XKR5: variants seen among roughly 807,000 people sequenced by gnomAD.
The protein encoded by XKR5 is XK-related protein 5.
A neutral mutation model predicts 40.8 loss-of-function variants in XKR5; 46 were observed. That is an observed-to-expected ratio of 1.13 (90% CI 0.89 to 1.44). The LOEUF (loss-of-function observed/expected upper bound fraction) is 1.44. Ranked by LOEUF, XKR5 falls within the 40% of genes most tolerant of loss-of-function variation. The probability of loss-of-function intolerance (pLI) is 0.00; values close to 1 mark genes in which losing one functional copy is unlikely to be tolerated. For synonymous variants in XKR5, 466 were observed against 356.1 expected (o/e 1.31, Z -3.48); for missense variants, 1,169 against 844.7 (o/e 1.38, Z -4.76).
At position 6,811,875 on chromosome 8, in the gene XKR5, G is replaced by A. The variant is rs1040086783; in HGVS notation, c.1384C>T (p.Pro462Ser). 6.5e-7 allele frequency: 1 copy of A among 1,537,506 alleles called. No homozygotes were observed. The highest frequency in any genetic ancestry group is 8.7e-7 in the Non-Finnish European group (1 of 1,146,980). The change falls in exon 7 of 7, where the codon CCC becomes TCC. Residue 462 changes from proline (P) to serine (S), a missense_variant. By Grantham distance (74) the Pro-to-Ser change is moderately conservative. Coordinates refer to ENST00000618742, the MANE Select transcript of XKR5 (RefSeq NM_207411.5). ...GCAGAGCTGTTCTCTAAGGTTGAGG[G>A]GTCACGGGATGAGGATGGGAGCTCT... ...QQELPSSSRD[P>S]STLENSSAFE...
chr8:6,819,478 C>T (rs2117092451), intron 5 of XKR5, among the ~76,000 whole-genome samples: 1 of 152,342 alleles, frequency 6.6e-6, no homozygotes, highest in South Asian at 2.1e-4. Flanking sequence ...CACTCAGCCA[C>T]ATTGGATCAA....
intron 2 of XKR5, among the ~76,000 whole-genome samples, chr8:6,831,568 T>A (rs1804764226): frequency 6.6e-6 from 1 of 152,132 alleles, no homozygotes; most frequent in South Asian, 2.1e-4. Flanking sequence ...CCGGAGAAAG[T>A]CTTGGGAATA....
chr8:6,820,603 TG>T (rs1804185831), intron 5 of XKR5, among the ~76,000 whole-genome samples: 1 of 152,182 alleles, frequency 6.6e-6, no homozygotes, highest in Admixed American at 6.5e-5. Context: ...TTTGTTCACT[TG>T]GGGATCATGT....
At chr8:6,815,996 C>T (rs575210611) in intron 5 of XKR5, 78 bp from the exon 6 acceptor site, 85 of 1,064,998 alleles carry the variant, frequency 8.0e-5, no homozygotes, top group Middle Eastern at 2.2e-4. Context: ...GAGTCTGCAG[C>T]GGCTCCCCCT....
intron 5 of XKR5, among the ~76,000 whole-genome samples, chr8:6,821,516 C>T (rs1284137170): frequency 2.0e-5 from 3 of 152,000 alleles, no homozygotes; most frequent in African/African-American, 4.8e-5. Context: ...ATTCATAAAC[C>T]CCTAATAAAA....
In XKR5 at chr8:6,825,153, A is replaced by G; in HGVS notation, c.427+12T>C. ...GTCAGACAGTCTGTGCTCTGTGGTG[A>G]CAGTTACTCACCTGGCACAATATCT... On this transcript the variant is annotated intron_variant, in intron 3 of 6. Transcript: ENST00000618742. The G allele has an allele frequency of 1.2e-6, 2 of 1,613,230 alleles. No individual in the cohort carries two copies. Among genetic ancestry groups the G allele is most frequent in the South Asian group, 1.1e-5 (1 of 90,896 alleles).
intron 1 of XKR5, among the ~76,000 whole-genome samples, chr8:6,835,096 T>C (rs371685046): frequency 2.0e-5 from 3 of 151,566 alleles, no homozygotes; most frequent in East Asian, 3.9e-4. Flanking sequence ...GAAGGGCGGA[T>C]ACATCTCCCC....
At position 6,815,922 on chromosome 8, in the gene XKR5, C is replaced by T. The variant is rs781064714; in HGVS notation, c.808-4G>A. 34 of 1,589,858 alleles carry T rather than the reference C, an allele frequency of 2.1e-5. No homozygotes were observed. The South Asian group carries it at 3.1e-4, about 14-fold the overall frequency. On this transcript the variant is annotated splice_polypyrimidine_tract_variant and splice_region_variant and intron_variant, in intron 5 of 6. Transcript: ENST00000618742. ...TGATGTTCTCCAACAGCATGACCTGCGGGACCCAGGACAGAGGCACCACAC... is the reference window on the plus strand; with the variant it reads ...TGATGTTCTCCAACAGCATGACCTGTGGGACCCAGGACAGAGGCACCACAC...
chr8:6,824,436 A>T (rs1303634847), intron 3 of XKR5, among the ~76,000 whole-genome samples: 2 of 152,176 alleles, frequency 1.3e-5, no homozygotes, highest in African/African-American at 4.8e-5. Context: ...GCCTGAAATG[A>T]GTGGGAGCTG....
At position 6,823,532 on chromosome 8, in the gene XKR5, A is replaced by G; in HGVS notation, c.626T>C (p.Phe209Ser). ...TTAGCTCAGCTCACCTGCAACCACAAAAACCCAAAAGTGGTAGGCTTTGTA... is the reference window on the plus strand; with the variant it reads ...TTAGCTCAGCTCACCTGCAACCACAGAAACCCAAAAGTGGTAGGCTTTGTA... ...LFYKAYHFWVFVVAGAHWLVM... is the reference protein window; with the variant it reads ...LFYKAYHFWVSVVAGAHWLVM... The change falls in exon 4 of 7, where the codon TTT becomes TCT. Residue 209 changes from phenylalanine (F) to serine (S), a missense_variant. Physicochemically the swap from Phe to Ser is radical, Grantham distance 155 (BLOSUM62 -2). Transcript: ENST00000618742. 2 of 1,587,680 alleles carry G rather than the reference A, an allele frequency of 1.3e-6. No individual in the cohort carries two copies. The highest frequency in any genetic ancestry group is 1.7e-6 in the Non-Finnish European group (2 of 1,166,794).
intron 6 of XKR5, among the ~76,000 whole-genome samples, chr8:6,812,966 T>C (rs888095623): frequency 4.6e-5 from 7 of 152,266 alleles, no homozygotes; most frequent in African/African-American, 1.7e-4. Context: ...ACTGCTGCAA[T>C]AATTTCTTTA....
At chr8:6,818,799 C>T (rs1458625037) in intron 5 of XKR5, among the ~76,000 whole-genome samples, 3 of 152,228 alleles carry the variant, frequency 2.0e-5, no homozygotes, top group African/African-American at 7.2e-5. Flanking sequence ...AGGCCCCCAG[C>T]CCCCAGCCCC....
intron 1 of XKR5, among the ~76,000 whole-genome samples, chr8:6,834,658 TCCC>T (rs1804926440): frequency 6.6e-6 from 1 of 151,814 alleles, no homozygotes; most frequent in Non-Finnish European, 1.5e-5. Context: ...AAGGCGGCGT[TCCC>T]AGGGTACCCC....
chr8:6,831,874 G>A (rs1804781300), intron 2 of XKR5, among the ~76,000 whole-genome samples: 1 of 152,026 alleles, frequency 6.6e-6, no homozygotes, highest in East Asian at 1.9e-4. Flanking sequence ...AATTAGCCGG[G>A]CATGGTGGCA....
rs376715571 is a variant in XKR5, at chr8:6,823,164, T to G, written c.637+357A>C. Among the ~76,000 whole-genome samples, 5 of 152,336 alleles carry G rather than the reference T, an allele frequency of 3.3e-5. No homozygotes were observed. The South Asian group carries it at 1.0e-3, about 32-fold the overall frequency. On this transcript the variant is annotated intron_variant, in intron 4 of 6. Transcript: ENST00000618742. ...CCCTGGATGTGTACTCATCGGGAGC[T>G]GCAGTCTAGTCCTCCATGCTCTTGA...
intron 2 of XKR5, among the ~76,000 whole-genome samples, chr8:6,825,921 T>C (rs1311772711): frequency 2.0e-5 from 3 of 152,152 alleles, no homozygotes; most frequent in African/African-American, 7.2e-5. Flanking sequence ...TGGAGCACCA[T>C]GCGGAGCTTG....
chr8:6,812,311 GC>G lies in XKR5; in HGVS notation c.947del (p.Ser316ThrfsTer15). 6.4e-7 allele frequency: 1 copy of G among 1,551,392 alleles called. No homozygotes were observed. The highest frequency in any genetic ancestry group is 8.7e-7 in the Non-Finnish European group (1 of 1,146,778). On this transcript the variant is annotated frameshift_variant, in exon 7 of 7. Transcript: ENST00000618742. LOFTEE classifies it low-confidence loss of function (END_TRUNC). ...TGTCTGTGGATTTTGGATGCAGCAGGCTGTAATAAATTACCAGTGAGACACT... is the reference window on the plus strand; with the variant it reads ...TGTCTGTGGATTTTGGATGCAGCAGGTGTAATAAATTACCAGTGAGACACT... Reference protein sequence around the residue: ...IGSVSLVIYYSLLHPKSTDIW... With the variant: ...IGSVSLVIYYXLLHPKSTDIW...
At chr8:6,823,112 A>G (rs1314835075) in intron 4 of XKR5, among the ~76,000 whole-genome samples, 1 of 152,126 alleles carries the variant, frequency 6.6e-6, no homozygotes, top group Non-Finnish European at 1.5e-5. Flanking sequence ...AGTATCTCCC[A>G]AGACAGCCAG....
At chr8:6,833,202 A>C (rs1302714960) in intron 1 of XKR5, among the ~76,000 whole-genome samples, 1 of 152,228 alleles carries the variant, frequency 6.6e-6, no homozygotes, top group African/African-American at 2.4e-5. Flanking sequence ...GCCCAGTGCC[A>C]GGAAACTAGG....
Sources: gnomAD v4.1 joint callset for allele counts (sites outside exome capture counted in the v4.1 genomes callset) on GRCh38, gnomAD v4.1.1 for gene constraint, MANE v1.5 for transcripts, NCBI Gene and HGNC (gene_info 2026-07-23, HGNC 2026-07-21) for gene names.